Variants in CCDC158 observed in about 807,000 individuals in gnomAD.
The protein encoded by CCDC158 is coiled-coil domain-containing protein 158.
Under a neutral mutation model 138.6 loss-of-function variants are expected in CCDC158, and 116 were observed. That is an observed-to-expected ratio of 0.84 (90% CI 0.72 to 0.98). CCDC158 has a LOEUF of 0.98. Ranked by LOEUF, CCDC158 falls within the 50% of genes least tolerant of loss-of-function variation. The pLI is 0.00. For synonymous variants in CCDC158, 436 were observed against 442.4 expected (o/e 0.99, Z 0.18); for missense variants, 1,265 against 1,306.1 (o/e 0.97, Z 0.48).
chr4:76,325,241 A>C (rs1161224813), intron 23 of CCDC158, among the ~76,000 whole-genome samples: 1 of 152,230 alleles, frequency 6.6e-6, no homozygotes, highest in Non-Finnish European at 1.5e-5. Context: ...ACTTGATGAT[A>C]ATACAACTTT....
intron 12 of CCDC158, 31 bp downstream of exon 12, chr4:76,367,263 A>G (rs764624306): frequency 1.3e-6 from 2 of 1,586,404 alleles, no homozygotes; most frequent in Admixed American, 3.5e-5. Context: ...ATGATATTTC[A>G]GAAGTTAAAT....
rs1007801869 is a variant in CCDC158, at chr4:76,334,784, G to A, written c.2665-617C>T. On this transcript the variant is annotated intron_variant, in intron 18 of 24. Coordinates refer to ENST00000682701, the MANE Select transcript of CCDC158 (RefSeq NM_001394954.1). ...AACCAAATGATCAGAGTGCACTGGT[G>A]AGCAGGTAGACTCAGGCTATCCTTG... 4.6e-5 allele frequency among the ~76,000 whole-genome samples: 7 copies of A among 152,184 alleles called. No homozygotes were observed. In the East Asian group the frequency reaches 5.8e-4, roughly 13 times the overall value.
intron 1 of CCDC158, among the ~76,000 whole-genome samples, chr4:76,416,760 G>A (rs568325816): frequency 3.1e-4 from 47 of 152,348 alleles, no homozygotes; most frequent in African/African-American, 1.0e-3. Context: ...TTGAGGTTTG[G>A]GAACCTCTGC....
chr4:76,331,478 G>GA, intron 20 of CCDC158, 75 bp from the exon 21 acceptor site: 1 of 1,212,654 alleles, frequency 8.2e-7, no homozygotes, highest in East Asian at 2.3e-5. Context: ...AAGTTTGTGA[G>GA]AAAAATAATG....
At chr4:76,340,656 C>T (rs1412948264) in intron 18 of CCDC158, among the ~76,000 whole-genome samples, 1 of 151,920 alleles carries the variant, frequency 6.6e-6, no homozygotes, top group African/African-American at 2.4e-5. Context: ...CTTCGGGTGT[C>T]ACTGTCTCCC....
chr4:76,407,001 A>T (rs1051149940), intron 2 of CCDC158, among the ~76,000 whole-genome samples: 3 of 152,136 alleles, frequency 2.0e-5, no homozygotes, highest in Non-Finnish European at 4.4e-5. Flanking sequence ...AAAGAAAAAC[A>T]ATGAGTCAAA....
Position 76,384,375 on chromosome 4 carries a change from G to A in CCDC158, c.439C>T (p.Leu147Phe), listed in dbSNP as rs757484004. 3.1e-6 allele frequency: 5 copies of A among 1,613,880 alleles called. No individual in the cohort carries two copies. The highest frequency in any genetic ancestry group is 4.2e-6 in the Non-Finnish European group (5 of 1,179,888). ...SQSQEDLRNQ[L>F]QNTVHELEAA... ...TCAAGTTCATGAACTGTATTTTGAA[G>A]CTGATTTCTTAAATCCTCCTGGGAC... Residue 147 changes from leucine to phenylalanine, a missense_variant, in exon 6 of 25, where the codon CTT (leucine) becomes TTT (phenylalanine). Transcript: ENST00000682701.
At chr4:76,372,652 T>G (rs947722505) in intron 9 of CCDC158, among the ~76,000 whole-genome samples, 6 of 152,212 alleles carry the variant, frequency 3.9e-5, no homozygotes, top group Non-Finnish European at 5.9e-5. Flanking sequence ...TTATATATAT[T>G]TATATTTACA....
chr4:76,340,330 C>A (rs1206384135), intron 18 of CCDC158, among the ~76,000 whole-genome samples: 2 of 152,210 alleles, frequency 1.3e-5, no homozygotes, highest in African/African-American at 4.8e-5. Context: ...TACTTCCCAA[C>A]CACAAAAGGC....
intron 22 of CCDC158, among the ~76,000 whole-genome samples, chr4:76,326,795 T>C (rs1215678623): frequency 6.6e-6 from 1 of 152,072 alleles, no homozygotes; most frequent in Non-Finnish European, 1.5e-5. Context: ...GCAAAAATAT[T>C]CTTCAAAAAT....
At chr4:76,387,154 C>T (rs1726874977) in intron 4 of CCDC158, among the ~76,000 whole-genome samples, 1 of 152,130 alleles carries the variant, frequency 6.6e-6, no homozygotes, top group Admixed American at 6.5e-5. Context: ...CTTGCAACAA[C>T]AAAAGTGCCT....
chr4:76,415,249 T>C (rs1201142536), intron 1 of CCDC158, among the ~76,000 whole-genome samples: 2 of 152,152 alleles, frequency 1.3e-5, no homozygotes, highest in African/African-American at 4.8e-5. Context: ...AGAGAGATGA[T>C]TTAGGGTATC....
At chr4:76,356,637 TG>T (rs2110193912) in intron 14 of CCDC158, 1 of 152,328 alleles carries the variant, frequency 6.6e-6, no homozygotes, top group East Asian at 1.9e-4. Context: ...CAAGAATTTG[TG>T]GTCGTCCTTG....
chr4:76,326,653 C>T (rs940512924), intron 22 of CCDC158, among the ~76,000 whole-genome samples: 2 of 152,082 alleles, frequency 1.3e-5, no homozygotes, highest in African/African-American at 2.4e-5. Context: ...AAAAAAGGAA[C>T]AGACTATATT....
chr4:76,344,944 G>A, intron 18 of CCDC158: 1 of 1,515,490 alleles, frequency 6.6e-7, no homozygotes, highest in Non-Finnish European at 9.2e-7. Flanking sequence ...TCAAAAGTGT[G>A]GTGAAAAGTG....
At chr4:76,363,808 G>C (rs1724390187) in intron 12 of CCDC158, among the ~76,000 whole-genome samples, 1 of 152,128 alleles carries the variant, frequency 6.6e-6, no homozygotes, top group Non-Finnish European at 1.5e-5. Flanking sequence ...TTGAGTATGA[G>C]AGTGATGTAG....
At position 76,371,547 on chromosome 4, in the gene CCDC158, A is replaced by T. The variant is rs756232822; in HGVS notation, c.1030-11T>A. 3 of 1,614,058 alleles carry T rather than the reference A, an allele frequency of 1.9e-6. No homozygotes were observed. Among genetic ancestry groups the T allele is most frequent in the Non-Finnish European group, 2.5e-6 (3 of 1,179,946 alleles). ...TTCCAGCTCTTCTGTCTGAAAGGAA[A>T]GTACAAATTGAACAGTGTCTGATTA... On this transcript the variant is annotated splice_polypyrimidine_tract_variant and intron_variant, in intron 9 of 24. Transcript: ENST00000682701.
In CCDC158 at chr4:76,384,424, T is replaced by C. The variant is rs1411851219; in HGVS notation, c.399-9A>G. On this transcript the variant is annotated splice_polypyrimidine_tract_variant and intron_variant, in intron 5 of 24. Coordinates refer to ENST00000682701, the MANE Select transcript of CCDC158 (RefSeq NM_001394954.1). ...ACTGACTCTCCCTTCGTCTATGAAA[T>C]AAATGAAAGAAAATAAATAACATTG... is the stretch of plus-strand genomic sequence containing the variant. 1.3e-6 allele frequency: 2 copies of C among 1,597,784 alleles called. No homozygotes were observed. The highest frequency in any genetic ancestry group is 2.2e-5 in the East Asian group (1 of 44,666).
At chr4:76,358,063 C>G (rs1328946383) in intron 13 of CCDC158, among the ~76,000 whole-genome samples, 2 of 151,962 alleles carry the variant, frequency 1.3e-5, no homozygotes, top group Non-Finnish European at 1.5e-5. Context: ...AGAAAAGGAT[C>G]AAAGCTCCAG....
Sources: allele counts gnomAD v4.1 joint callset (sites outside exome capture counted in the v4.1 genomes callset), GRCh38; gene constraint gnomAD v4.1.1; transcripts MANE v1.5; gene names NCBI Gene and HGNC (gene_info 2026-07-23, HGNC 2026-07-21).